Variants in SETD5 observed in about 807,000 individuals in gnomAD.
SETD5 encodes the protein histone-lysine N-methyltransferase SETD5.
A neutral mutation model predicts 153.3 loss-of-function variants in SETD5; 44 were observed. The ratio of observed to expected loss-of-function variants is 0.29; its 90% confidence interval spans 0.23 to 0.37. SETD5 has a LOEUF of 0.37. Among genes scored for constraint, SETD5 ranks in the 10% least tolerant of loss-of-function variants. The pLI is 1.00. For synonymous variants in SETD5, 716 were observed against 645.2 expected (o/e 1.11, Z -1.66); for missense variants, 1,544 against 1,768.0 (o/e 0.87, Z 2.27).
chr3:9,407,481 A>G (rs1011001877), intron 1 of SETD5, among the ~76,000 whole-genome samples: 3 of 152,194 alleles, frequency 2.0e-5, no homozygotes, highest in South Asian at 2.1e-4. Context: ...AACAGTTAGT[A>G]TGAAAAGGAA....
chr3:9,444,808 C>T (rs1171520623), intron 11 of SETD5, among the ~76,000 whole-genome samples: 3 of 152,028 alleles, frequency 2.0e-5, no homozygotes, highest in Non-Finnish European at 4.4e-5. Flanking sequence ...GCCCAGGAAA[C>T]AGAGATTACC....
Position 9,447,864 on chromosome 3 carries a change from A to G in SETD5, c.1961A>G (p.Asn654Ser). 6.2e-7 allele frequency: 1 copy of G among 1,614,050 alleles called. No homozygotes were observed. The highest frequency in any genetic ancestry group is 8.5e-7 in the Non-Finnish European group (1 of 1,179,892). ...GCTGCCTTGGAAGAGGGAGGAAGTA[A>G]CAGTTTAGTAACTCCTACTGAAGCT... The part of the protein sequence containing the change: ...SQAALEEGGS[N>S]SLVTPTEAGS... Residue 654 changes from asparagine (N) to serine (S), a missense_variant, in exon 15 of 23, where the codon AAC (asparagine) becomes AGC (serine). By Grantham distance (46) the Asn-to-Ser change is conservative. Transcript: ENST00000402198.
chr3:9,446,202 G>A (rs1484376121), intron 13 of SETD5, among the ~76,000 whole-genome samples: 1 of 145,044 alleles, frequency 6.9e-6, no homozygotes, highest in African/African-American at 2.6e-5. Context: ...CAGGAGAATG[G>A]CATGAACCTG....
At position 9,434,697 on chromosome 3, in the gene SETD5, A is replaced by G; in HGVS notation, c.330-127A>G. The G allele has an allele frequency of 6.8e-7, 1 of 1,461,458 alleles. No individual in the cohort carries two copies. Among genetic ancestry groups the G allele is most frequent in the Non-Finnish European group, 9.1e-7 (1 of 1,104,346 alleles). 90.5% of individuals were successfully genotyped at this position (1,461,458 alleles called of 1,614,324 possible). A position where few individuals can be genotyped will look rare whatever the true frequency, so the allele number is the denominator to read the frequency against. ...AGCTATTGAATTTGATATGAAATTT[A>G]ATGTCCTGGAAACATTTGGTAGGTG... is the stretch of plus-strand genomic sequence containing the variant. On this transcript the variant is annotated intron_variant, in intron 5 of 22. Transcript: ENST00000402198. This position sits in a 1 kb window ranked among gnomAD's most constrained non-coding sequence, Gnocchi z 5.6.
intron 2 of SETD5, among the ~76,000 whole-genome samples, chr3:9,425,887 C>T (rs958157302): frequency 1.3e-5 from 2 of 152,046 alleles, no homozygotes; most frequent in Non-Finnish European, 2.9e-5. Context: ...AAATATAAAA[C>T]AATTCAGATT....
chr3:9,445,129 G>A lies in SETD5; in HGVS notation c.1269G>A (p.Leu423=). The A allele has an allele frequency of 1.2e-6, 2 of 1,613,962 alleles. No individual in the cohort carries two copies. Among genetic ancestry groups the A allele is most frequent in the South Asian group, 1.1e-5 (1 of 91,078 alleles). ...IQKRNPNATE[L]PLLPPPPSLP... is the part of the protein sequence containing the mutation. The stretch of plus-strand genomic sequence containing the variant: ...AAAGGAATCCTAATGCTACAGAACT[G>A]CCACTCCTACCACCTCCTCCAAGCC... Residue 423 remains leucine, a synonymous_variant, in exon 12 of 23, where the codon CTG becomes CTA. Coordinates refer to ENST00000402198, the MANE Select transcript of SETD5 (RefSeq NM_001080517.3).
At chr3:9,418,658 C>G (rs866844049) in intron 1 of SETD5, among the ~76,000 whole-genome samples, 1 of 151,944 alleles carries the variant, frequency 6.6e-6, no homozygotes, top group East Asian at 2.0e-4. Flanking sequence ...CAATAATCAG[C>G]TGGGTGTGGT....
chr3:9,462,180 A>G (rs1356334051), intron 17 of SETD5, among the ~76,000 whole-genome samples: 1 of 152,200 alleles, frequency 6.6e-6, no homozygotes, highest in African/African-American at 2.4e-5. Flanking sequence ...CATACTGACC[A>G]TTGCTTCCAG....
At chr3:9,404,599 A>T (rs369135762) in intron 1 of SETD5, among the ~76,000 whole-genome samples, 1 of 152,328 alleles carries the variant, frequency 6.6e-6, no homozygotes, top group South Asian at 2.1e-4. Flanking sequence ...GAAGCCATCT[A>T]GTCAAGCACC....
chr3:9,399,389 C>T (rs9842540), intron 1 of SETD5, among the ~76,000 whole-genome samples: 41,264 of 151,820 alleles, frequency 0.27, 6,713 homozygotes, highest in African/African-American at 0.45. Flanking sequence ...CAGAGAATAC[C>T]CACGTAATCA....
chr3:9,398,786 C>G (rs564464461), intron 1 of SETD5, among the ~76,000 whole-genome samples: 1 of 152,266 alleles, frequency 6.6e-6, no homozygotes, highest in African/African-American at 2.4e-5. Flanking sequence ...GTAGGTAAAT[C>G]GCATGAGAGG....
chr3:9,414,796 T>C (rs561788129), intron 1 of SETD5, among the ~76,000 whole-genome samples: 1 of 152,300 alleles, frequency 6.6e-6, no homozygotes, highest in African/African-American at 2.4e-5. Context: ...AATGGATTTG[T>C]TAAAAATCTG....
At chr3:9,415,877 C>CTT (rs1236644057) in intron 1 of SETD5, among the ~76,000 whole-genome samples, 2 of 141,930 alleles carry the variant, frequency 1.4e-5, no homozygotes. Flanking sequence ...TGCTGTTGAA[C>CTT]TTTTTTTTTT....
Position 9,476,319 on chromosome 3 carries a change from G to C in SETD5, c.*228G>C, listed in dbSNP as rs76610781. 8 of 571,718 alleles carry C rather than the reference G, an allele frequency of 1.4e-5. No homozygotes were observed. The East Asian group carries it at 2.5e-4, about 18-fold the overall frequency. The allele number at this position is 571,718 out of a possible 1,614,324, so 35.4% of individuals were successfully genotyped here. On this transcript the variant is annotated 3_prime_UTR_variant, in exon 23 of 23. Transcript: ENST00000402198. The stretch of plus-strand genomic sequence containing the variant: ...GACTATAAAGAAGTTTCTCCCTGCT[G>C]TCAAGGGTACATTGTTGACAAGCAA...
intron 15 of SETD5, 42 bp downstream of exon 15, chr3:9,448,048 G>T: frequency 6.4e-7 from 1 of 1,563,882 alleles, no homozygotes; most frequent in South Asian, 1.2e-5. Context: ...GTCTGGCAAG[G>T]GCTGTCTTAG....
chr3:9,441,102 ACTGGGGAGG>A (rs1490404486), intron 8 of SETD5, among the ~76,000 whole-genome samples: 2 of 152,110 alleles, frequency 1.3e-5, no homozygotes, highest in African/African-American at 2.4e-5. Flanking sequence ...AGTCCCAGCT[ACTGGGGAGG>A]CTGAGGTGGA....
intron 18 of SETD5, among the ~76,000 whole-genome samples, chr3:9,465,217 T>C (rs2044413291): frequency 6.6e-6 from 1 of 152,208 alleles, no homozygotes; most frequent in African/African-American, 2.4e-5. Flanking sequence ...CCCTCTTTGT[T>C]ATAATGTCTT....
chr3:9,417,147 GA>G (rs1211113810), intron 1 of SETD5, among the ~76,000 whole-genome samples: 1 of 152,144 alleles, frequency 6.6e-6, no homozygotes, highest in East Asian at 1.9e-4. Context: ...CTCTAGAAGG[GA>G]TAACATCATG....
At chr3:9,427,403 A>T (rs1208410568) in intron 2 of SETD5, among the ~76,000 whole-genome samples, 2 of 152,204 alleles carry the variant, frequency 1.3e-5, no homozygotes, top group Admixed American at 6.5e-5. Flanking sequence ...TACAAAAATT[A>T]GCCAGACATG....
Sources: gnomAD v4.1 joint callset for allele counts (sites outside exome capture counted in the v4.1 genomes callset) on GRCh38, gnomAD v4.1.1 for gene constraint, Gnocchi (gnomAD v3.1) non-coding constraint, MANE v1.5 for transcripts, NCBI Gene and HGNC (gene_info 2026-07-23, HGNC 2026-07-21) for gene names.